PCDH15: variants seen among roughly 807,000 people sequenced by gnomAD.
PCDH15 encodes protocadherin related 15.
In PCDH15, 129 loss-of-function variants were observed where a neutral mutation model predicts 178.5. That is an observed-to-expected ratio of 0.72 (90% CI 0.63 to 0.84). The LOEUF is 0.84. PCDH15 is among the 40% of genes least tolerant of loss of function. The pLI, the probability that PCDH15 is intolerant of heterozygous loss-of-function variation, is 0.00. For synonymous variants in PCDH15, 800 were observed against 732.0 expected, an observed-to-expected ratio of 1.09 and a Z score of -1.50; for missense variants, 2,230 against 2,099.9, an observed-to-expected ratio of 1.06 and a Z score of -1.21.
At chr10:54,695,724 AG>A (rs1359378528) in intron 1 of PCDH15, among the ~76,000 whole-genome samples, 11 of 152,024 alleles carry the variant, frequency 7.2e-5, no homozygotes, top group Non-Finnish European at 1.5e-4. Context: ...TGAAAATCGG[AG>A]GGTTGTTAAG....
At chr10:55,105,035 G>A (rs961134499) in intron 2 of PCDH15, among the ~76,000 whole-genome samples, 2 of 152,148 alleles carry the variant, frequency 1.3e-5, no homozygotes, top group Non-Finnish European at 2.9e-5. Context: ...AGTATGTACT[G>A]CAGTTAATTT....
intron 1 of PCDH15, among the ~76,000 whole-genome samples, chr10:55,289,371 AAAAG>A (rs974048395): frequency 3.9e-5 from 6 of 152,042 alleles, no homozygotes; most frequent in Admixed American, 2.0e-4. Flanking sequence ...AGGAAGGGAA[AAAAG>A]AAAGAAAGAA....
intron 8 of PCDH15, among the ~76,000 whole-genome samples, chr10:54,237,870 T>G (rs888824580): frequency 6.6e-6 from 1 of 152,180 alleles, no homozygotes; most frequent in Non-Finnish European, 1.5e-5. Flanking sequence ...GAAAGCCAAT[T>G]AACTGTACTG....
At chr10:53,861,510 C>T (rs956092029) in intron 27 of PCDH15, among the ~76,000 whole-genome samples, 2 of 152,042 alleles carry the variant, frequency 1.3e-5, no homozygotes, top group Non-Finnish European at 2.9e-5. Flanking sequence ...TCTATACTCT[C>T]ATAAATTTTA....
At chr10:54,534,985 G>C (rs11004354) in intron 2 of PCDH15, among the ~76,000 whole-genome samples, 14,706 of 152,178 alleles carry the variant, frequency 0.097, 1,025 homozygotes, top group East Asian at 0.36. Context: ...AATGGAAAAA[G>C]ACAATGATAG....
At chr10:55,164,242 A>G (rs1839138248) in intron 2 of PCDH15, among the ~76,000 whole-genome samples, 1 of 152,108 alleles carries the variant, frequency 6.6e-6, no homozygotes, top group Admixed American at 6.6e-5. Context: ...AAGGAACTTT[A>G]TCTCGTATTT....
At chr10:54,014,639 A>C (rs771186650) in intron 20 of PCDH15, among the ~76,000 whole-genome samples, 115 of 152,306 alleles carry the variant, frequency 7.6e-4, no homozygotes, top group Middle Eastern at 6.8e-3. Flanking sequence ...TTCACCACAG[A>C]AACAGGACTA....
chr10:54,912,447 T>C (rs2131835851), intron 2 of PCDH15, among the ~76,000 whole-genome samples: 1 of 152,234 alleles, frequency 6.6e-6, no homozygotes, highest in African/African-American at 2.4e-5. Flanking sequence ...TCCCCTGCTC[T>C]CTCCTGCTCC....
chr10:54,570,737 C>A (rs774751587), intron 2 of PCDH15, among the ~76,000 whole-genome samples: 1 of 152,014 alleles, frequency 6.6e-6, no homozygotes, highest in Non-Finnish European at 1.5e-5. Flanking sequence ...ACTGCAACCT[C>A]GGCCTCCAGG....
At chr10:53,904,110 A>T (rs2082510665) in intron 25 of PCDH15, among the ~76,000 whole-genome samples, 1 of 152,208 alleles carries the variant, frequency 6.6e-6, no homozygotes, top group South Asian at 2.1e-4. Flanking sequence ...ACTTGTCACT[A>T]GTCCAATAAT....
chr10:54,914,658 T>A (rs1052262798), intron 2 of PCDH15, among the ~76,000 whole-genome samples: 1 of 152,186 alleles, frequency 6.6e-6, no homozygotes, highest in Non-Finnish European at 1.5e-5. Flanking sequence ...TCCTCATTCC[T>A]TTGAAAAATG....
intron 2 of PCDH15, among the ~76,000 whole-genome samples, chr10:54,579,409 G>T (rs181633899): frequency 1.6e-4 from 24 of 152,068 alleles, no homozygotes; most frequent in Non-Finnish European, 2.6e-4. Context: ...ATTAAATAAT[G>T]ACAAAGGGTT....
intron 26 of PCDH15, among the ~76,000 whole-genome samples, chr10:53,867,971 A>G (rs2079569602): frequency 6.6e-6 from 1 of 152,112 alleles, no homozygotes; most frequent in Non-Finnish European, 1.5e-5. Context: ...AGAATTAAAA[A>G]GGACTAACAC....
chr10:53,974,016 T>C (rs1189657107), intron 21 of PCDH15, among the ~76,000 whole-genome samples: 2 of 152,048 alleles, frequency 1.3e-5, no homozygotes. Context: ...TTTATTTGTT[T>C]ATTTTACCTT....
chr10:54,314,983 T>C (rs2061153064), intron 8 of PCDH15, among the ~76,000 whole-genome samples: 1 of 152,188 alleles, frequency 6.6e-6, no homozygotes, highest in Non-Finnish European at 1.5e-5. Flanking sequence ...TTGTGAATAG[T>C]GCTGCCATGA....
At chr10:55,594,998 AG>A (rs1221976586) in intron 2 of PCDH15, among the ~76,000 whole-genome samples, 1 of 152,066 alleles carries the variant, frequency 6.6e-6, no homozygotes, top group Admixed American at 6.6e-5. Context: ...TTAATGTAAC[AG>A]TCTTGGCAAT....
At chr10:55,064,442 G>A (rs1841511308) in intron 2 of PCDH15, among the ~76,000 whole-genome samples, 1 of 152,020 alleles carries the variant, frequency 6.6e-6, no homozygotes, top group South Asian at 2.1e-4. Context: ...GCACGTGCCT[G>A]AAAAGCACAC....
At chr10:55,170,707 C>T (rs1591961759) in intron 1 of PCDH15, among the ~76,000 whole-genome samples, 1 of 151,738 alleles carries the variant, frequency 6.6e-6, no homozygotes, top group East Asian at 1.9e-4. Context: ...CATGGTGAAA[C>T]CCCGTCTCCA....
intron 1 of PCDH15, among the ~76,000 whole-genome samples, chr10:54,735,005 T>C (rs1403828843): frequency 1.3e-5 from 2 of 152,028 alleles, no homozygotes; most frequent in African/African-American, 2.4e-5. Flanking sequence ...TGAATTTTAC[T>C]ATATAAAATT....
Sources: allele counts gnomAD v4.1 joint callset (sites outside exome capture counted in the v4.1 genomes callset), GRCh38; gene constraint gnomAD v4.1.1; transcripts MANE v1.5; gene names NCBI Gene and HGNC (gene_info 2026-07-23, HGNC 2026-07-21).